Variants in AFF2 observed in about 807,000 individuals in gnomAD.
The protein encoded by AFF2 is AF4/FMR2 family member 2.
A neutral mutation model predicts 76.9 loss-of-function variants in AFF2; 14 were observed. The ratio of observed to expected loss-of-function variants is 0.18; its 90% CI spans 0.12 to 0.28. The LOEUF is 0.28. Among genes scored for constraint, AFF2 ranks in the 10% least tolerant of loss-of-function variants. AFF2 has a pLI of 1.00. For synonymous variants in AFF2, 398 were observed against 366.7 expected, an observed-to-expected ratio of 1.09 and a Z score of -0.98; for missense variants, 868 against 1,001.1, an observed-to-expected ratio of 0.87 and a Z score of 1.79.
intron 7 of AFF2, among the ~76,000 whole-genome samples, chrX:148,884,511 C>A (rs1187477132): frequency 8.9e-6 from 1 of 112,746 alleles, no homozygotes; most frequent in Admixed American, 9.4e-5. Flanking sequence ...GGAAAAACAC[C>A]CAAGTGGGAT....
intron 3 of AFF2, among the ~76,000 whole-genome samples, chrX:148,698,778 A>C (rs1449365918): frequency 9.9e-6 from 1 of 101,420 alleles, no homozygotes; most frequent in Admixed American, 1.1e-4. Context: ...AAGCAGTGGG[A>C]TCTAATCTGA....
At chrX:148,738,633 C>T (rs1363331158) in intron 3 of AFF2, among the ~76,000 whole-genome samples, 2 of 110,878 alleles carry the variant, frequency 1.8e-5, no homozygotes, top group African/African-American at 6.6e-5. Context: ...CTCCTCTGAT[C>T]TTGGTTATTT....
chrX:148,761,037 A>G (rs1416578439), intron 3 of AFF2, among the ~76,000 whole-genome samples: 1 of 111,860 alleles, frequency 8.9e-6, no homozygotes, highest in Non-Finnish European at 1.9e-5. Context: ...TACATTTAAG[A>G]ACACTATTCC....
At chrX:148,864,003 AAATC>A (rs2070878334) in intron 7 of AFF2, among the ~76,000 whole-genome samples, 1 of 111,454 alleles carries the variant, frequency 9.0e-6, no homozygotes, top group African/African-American at 3.3e-5. Context: ...GCCAAGAGAA[AAATC>A]AATTAACCAG....
chrX:148,713,705 T>C (rs868909494), intron 3 of AFF2, among the ~76,000 whole-genome samples: 5 of 111,703 alleles, frequency 4.5e-5, no homozygotes, highest in Middle Eastern at 4.2e-3. Flanking sequence ...TATTGAGTCT[T>C]GAGTCCAAAA....
chrX:148,929,244 C>T (rs1220342342), intron 9 of AFF2, among the ~76,000 whole-genome samples: 1 of 112,440 alleles, frequency 8.9e-6, no homozygotes, highest in Non-Finnish European at 1.9e-5. Context: ...GATGCACAGC[C>T]AGTCTATCCA....
At chrX:148,738,789 T>C (rs1557265368) in intron 3 of AFF2, among the ~76,000 whole-genome samples, 1 of 111,845 alleles carries the variant, frequency 8.9e-6, no homozygotes, top group African/African-American at 3.3e-5. Flanking sequence ...CCACCTTTGC[T>C]GTATCCCAGA....
intron 1 of AFF2, among the ~76,000 whole-genome samples, chrX:148,522,067 A>G (rs2052607513): frequency 8.9e-6 from 1 of 112,325 alleles, no homozygotes. Flanking sequence ...ATGGCTAAAC[A>G]AGAATACTCT....
chrX:148,680,679 A>T (rs2054537681), intron 3 of AFF2, among the ~76,000 whole-genome samples: 1 of 111,882 alleles, frequency 8.9e-6, no homozygotes, highest in Admixed American at 9.5e-5. Flanking sequence ...GACAATTTTG[A>T]TATATTCACA....
At chrX:148,622,795 A>C (rs782015151) in intron 1 of AFF2, among the ~76,000 whole-genome samples, 96 of 111,912 alleles carry the variant, frequency 8.6e-4, no homozygotes, top group African/African-American at 3.0e-3. Flanking sequence ...TTTCTGGCAT[A>C]GGCTGTTTGC....
chrX:148,859,484 T>C (rs782005213), intron 7 of AFF2, among the ~76,000 whole-genome samples: 1 of 110,980 alleles, frequency 9.0e-6, no homozygotes, highest in South Asian at 3.7e-4. Flanking sequence ...CTTAATTAAG[T>C]CAGAAATCCA....
intron 9 of AFF2, among the ~76,000 whole-genome samples, chrX:148,918,178 T>A (rs1557282839): frequency 8.9e-6 from 1 of 112,311 alleles, no homozygotes; most frequent in African/African-American, 3.2e-5. Context: ...GGCAGCACAT[T>A]CATTAGCAAC....
chrX:148,724,812 G>A (rs376422861), intron 3 of AFF2, among the ~76,000 whole-genome samples: 14 of 112,571 alleles, frequency 1.2e-4, no homozygotes, highest in African/African-American at 4.2e-4. Flanking sequence ...AACGCTAAGC[G>A]CTTTAGTAGT....
intron 1 of AFF2, among the ~76,000 whole-genome samples, chrX:148,538,564 A>G (rs899472055): frequency 5.3e-5 from 6 of 112,822 alleles, no homozygotes; most frequent in Non-Finnish European, 9.4e-5. Flanking sequence ...TGAAAGTTTA[A>G]GCAAAGCCTA....
Position 148,997,501 on chromosome X carries a change from C to G in AFF2, c.*6169C>G, listed in dbSNP as rs1267239981. On this transcript the variant is annotated 3_prime_UTR_variant, in exon 21 of 21. Transcript: ENST00000370460. ...TTTCAAAAAAAAATTTCCATTTTCT[C>G]TCTGGGCCTGTATCCATGGTTGAAT... 4 of 112,256 alleles carry G rather than the reference C, an allele frequency of 3.6e-5. No homozygotes were observed. Among genetic ancestry groups the G allele is most frequent in the African/African-American group, 1.3e-4 (4 of 30,901 alleles). The allele number at this position is 112,256 out of a possible 1,213,427, so 9.3% of individuals were successfully genotyped here. A position where few individuals can be genotyped will look rare whatever the true frequency, so the allele number is the denominator to read the frequency against.
chrX:148,527,035 A>G (rs182260813), intron 1 of AFF2, among the ~76,000 whole-genome samples: 4 of 112,226 alleles, frequency 3.6e-5, no homozygotes, highest in Admixed American at 2.8e-4. Context: ...ATTTCTAAGT[A>G]TTTCCCTACA....
At chrX:148,533,023 A>G (rs368312625) in intron 1 of AFF2, among the ~76,000 whole-genome samples, 1 of 111,981 alleles carries the variant, frequency 8.9e-6, no homozygotes, top group Non-Finnish European at 1.9e-5. Context: ...ATCTCAATCC[A>G]TTATGTGGAA....
At chrX:148,581,082 T>TAC (rs1268133351) in intron 1 of AFF2, among the ~76,000 whole-genome samples, 454 of 32,919 alleles carry the variant, frequency 0.014, 13 homozygotes, top group East Asian at 0.045. Context: ...CACACATATA[T>TAC]ACATATGTGT....
intron 9 of AFF2, among the ~76,000 whole-genome samples, chrX:148,945,940 T>C (rs1557286044): frequency 9.0e-6 from 1 of 111,467 alleles, no homozygotes; most frequent in African/African-American, 3.3e-5. Flanking sequence ...GGATTGAAAA[T>C]GGGAGACGGG....
Sources: gnomAD v4.1 joint callset for allele counts (sites outside exome capture counted in the v4.1 genomes callset) on GRCh38, gnomAD v4.1.1 for gene constraint, MANE v1.5 for transcripts, NCBI Gene and HGNC (gene_info 2026-07-23, HGNC 2026-07-21) for gene names.